The following ASB15 variants were observed in gnomAD, a reference collection of about 807,000 sequenced individuals.
ASB15 encodes ankyrin repeat and SOCS box protein 15.
Under a neutral mutation model 58.0 loss-of-function variants are expected in ASB15, and 54 were observed. The ratio of observed to expected loss-of-function variants is 0.93; its 90% CI spans 0.75 to 1.17. The LOEUF (loss-of-function observed/expected upper bound fraction) is 1.17, where lower values mean the gene tolerates loss of function less well. Ranked by LOEUF, ASB15 falls within the 50% of genes most tolerant of loss-of-function variation. The pLI is 0.00. For missense variants in ASB15, 680 were observed against 707.4 expected (o/e 0.96, Z 0.44); for synonymous variants, 249 against 262.4 (o/e 0.95, Z 0.50).
At chr7:123,609,735 C>G (rs1165692877) in intron 3 of ASB15, among the ~76,000 whole-genome samples, 1 of 152,192 alleles carries the variant, frequency 6.6e-6, no homozygotes, top group Non-Finnish European at 1.5e-5. Context: ...GTGGGAGCTA[C>G]TGTATTTCAA....
intron 7 of ASB15, among the ~76,000 whole-genome samples, chr7:123,619,595 C>T (rs1801096919): frequency 6.6e-6 from 1 of 152,130 alleles, no homozygotes; most frequent in Non-Finnish European, 1.5e-5. Context: ...GCAATCTCGG[C>T]TCACTGCAAG....
intron 11 of ASB15, among the ~76,000 whole-genome samples, chr7:123,633,046 T>C (rs1802206981): frequency 6.6e-6 from 1 of 152,140 alleles, no homozygotes; most frequent in African/African-American, 2.4e-5. Flanking sequence ...CAAACTGTTG[T>C]CAGCATGCAA....
intron 1 of ASB15, among the ~76,000 whole-genome samples, chr7:123,591,434 G>A (rs192794526): frequency 6.6e-6 from 1 of 152,268 alleles, no homozygotes; most frequent in Non-Finnish European, 1.5e-5. Context: ...TTGGCTGTGG[G>A]TTTGTCATAA....
intron 1 of ASB15, among the ~76,000 whole-genome samples, chr7:123,596,011 C>T (rs897305662): frequency 6.6e-6 from 1 of 152,058 alleles, no homozygotes; most frequent in East Asian, 1.9e-4. Context: ...TGAAATCAAG[C>T]CATAACTAAG....
In ASB15 at chr7:123,629,116, A is replaced by G; in HGVS notation, c.1122A>G (p.Ala374=). ...CAGAAGTCCTTCTGGCTGCAGGTGC[A>G]GACCCAAACTTAGATCCCCTCAACT... ...HCTEVLLAAG[A]DPNLDPLNCL... The change falls in exon 10 of 12, where the codon GCA becomes GCG. Residue 374 remains alanine (A), a synonymous_variant. Transcript: ENST00000451215. 6.2e-7 allele frequency: 1 copy of G among 1,614,164 alleles called. No individual in the cohort carries two copies. Among genetic ancestry groups the G allele is most frequent in the Non-Finnish European group, 8.5e-7 (1 of 1,179,972 alleles).
In ASB15 at chr7:123,595,594, A is replaced by G. The variant is rs568280324; in HGVS notation, c.-442-8438A>G. On this transcript the variant is annotated intron_variant, in intron 1 of 13. Coordinates refer to the ASB15 transcript ENST00000451558. ...ACATTCACCTCACCTACTTAAATAC[A>G]AACTTTTCAGTGACAGGAACTTGAT... 2.6e-5 allele frequency among the ~76,000 whole-genome samples: 4 copies of G among 152,290 alleles called. No individual in the cohort carries two copies. The South Asian group carries it at 8.3e-4, about 32-fold the overall frequency.
intron 1 of ASB15, among the ~76,000 whole-genome samples, chr7:123,582,241 T>C (rs1340664861): frequency 1.3e-5 from 2 of 151,740 alleles, no homozygotes; most frequent in African/African-American, 4.8e-5. Context: ...GTAACGTCCC[T>C]GTGGAAGGAA....
chr7:123,602,442 T>A (rs1386043201), intron 1 of ASB15, among the ~76,000 whole-genome samples: 1 of 152,036 alleles, frequency 6.6e-6, no homozygotes, highest in Non-Finnish European at 1.5e-5. Flanking sequence ...AATCTAAAGG[T>A]TGGAAAGTCC....
chr7:123,583,372 A>G (rs1205455254), intron 1 of ASB15, among the ~76,000 whole-genome samples: 1 of 151,970 alleles, frequency 6.6e-6, no homozygotes, highest in Admixed American at 6.6e-5. Flanking sequence ...GGAAACTGGA[A>G]TTGATAACCA....
intron 9 of ASB15, 29 bp from the exon 10 acceptor site, chr7:123,628,835 C>T (rs761509152): frequency 1.4e-6 from 2 of 1,382,202 alleles, no homozygotes; most frequent in Non-Finnish European, 2.0e-6. Flanking sequence ...TTCTTTATGG[C>T]AAGTAGATAT....
intron 1 of ASB15, among the ~76,000 whole-genome samples, chr7:123,579,853 A>G (rs780493727): frequency 1.3e-4 from 20 of 152,122 alleles, no homozygotes; most frequent in Non-Finnish European, 2.8e-4. Context: ...CATAAAGCAT[A>G]TAATAAAACT....
intron 1 of ASB15, among the ~76,000 whole-genome samples, chr7:123,594,322 C>T (rs1584745012): frequency 6.6e-6 from 1 of 152,086 alleles, no homozygotes; most frequent in South Asian, 2.1e-4. Flanking sequence ...TGTTCCCTTG[C>T]TGGCAAGGAG....
At chr7:123,614,270 C>A in intron 3 of ASB15, 2 of 405,088 alleles carry the variant, frequency 4.9e-6, no homozygotes, top group Non-Finnish European at 4.3e-6. Flanking sequence ...TTAGAAAGTG[C>A]AAATGCTCAA....
intron 1 of ASB15, among the ~76,000 whole-genome samples, chr7:123,577,775 C>A (rs78255529): frequency 0.012 from 1,801 of 152,196 alleles, 15 homozygotes; most frequent in Non-Finnish European, 0.02. Flanking sequence ...CATGTTTCTT[C>A]ATCTTATCCC....
intron 1 of ASB15, among the ~76,000 whole-genome samples, chr7:123,593,850 C>G (rs569865935): frequency 6.6e-6 from 1 of 152,158 alleles, no homozygotes; most frequent in Non-Finnish European, 1.5e-5. Flanking sequence ...GGGAAGTTCT[C>G]CTGGATAATA....
chr7:123,624,147 A>G (rs779383006), intron 7 of ASB15, among the ~76,000 whole-genome samples: 9 of 152,170 alleles, frequency 5.9e-5, no homozygotes, highest in Non-Finnish European at 1.0e-4. Flanking sequence ...GAGTGATATA[A>G]TAATAATAGC....
intron 7 of ASB15, 129 bp downstream of exon 7, chr7:123,617,866 C>T (rs907061507): frequency 2.2e-6 from 2 of 896,764 alleles, no homozygotes; most frequent in East Asian, 2.7e-5. Flanking sequence ...TGCCTAACCC[C>T]CATGTCTTCT....
chr7:123,602,583 A>G (rs1799941214), intron 1 of ASB15, among the ~76,000 whole-genome samples: 1 of 152,172 alleles, frequency 6.6e-6, no homozygotes, highest in South Asian at 2.1e-4. Flanking sequence ...AAATCTTATC[A>G]CTGCTTTGTG....
intron 1 of ASB15, among the ~76,000 whole-genome samples, chr7:123,583,343 T>C (rs966873902): frequency 2.8e-4 from 42 of 152,056 alleles, no homozygotes; most frequent in Non-Finnish European, 4.0e-4. Context: ...GGAGATATCA[T>C]GGGAAGTGGG....
Sources: gnomAD v4.1 joint callset for allele counts (sites outside exome capture counted in the v4.1 genomes callset) on GRCh38, gnomAD v4.1.1 for gene constraint, MANE v1.5 for transcripts, NCBI Gene and HGNC (gene_info 2026-07-23, HGNC 2026-07-21) for gene names.